HOGA1: variants seen among roughly 807,000 people sequenced by gnomAD.
HOGA1 encodes the protein 4-hydroxy-2-oxoglutarate aldolase 1.
In HOGA1, 30 loss-of-function variants were observed where a neutral mutation model predicts 34.3. That is an observed-to-expected ratio of 0.87 (90% CI 0.65 to 1.19). The LOEUF (loss-of-function observed/expected upper bound fraction) is 1.19. HOGA1 is among the 50% of genes most tolerant of loss of function. The probability of loss-of-function intolerance (pLI) is 0.00; values close to 1 mark genes in which losing one functional copy is unlikely to be tolerated. For synonymous variants in HOGA1, 161 were observed against 174.0 expected (o/e 0.93, Z 0.59); for missense variants, 417 against 436.5 (o/e 0.96, Z 0.40).
chr10:97,608,014 G>A (rs989303826), intron 6 of HOGA1, among the ~76,000 whole-genome samples: 12 of 152,124 alleles, frequency 7.9e-5, no homozygotes, highest in South Asian at 2.1e-4. Flanking sequence ...AAGAATAACC[G>A]CTAAAAAGAC....
chr10:97,590,269 G>A (rs1424630143), intron 1 of HOGA1: 1 of 1,613,756 alleles, frequency 6.2e-7, no homozygotes, highest in South Asian at 1.1e-5. Flanking sequence ...AGGCCACGTG[G>A]GCCGCTGTGG....
chr10:97,595,740 C>T (rs1357988874), intron 1 of HOGA1, among the ~76,000 whole-genome samples: 1 of 152,218 alleles, frequency 6.6e-6, no homozygotes, highest in African/African-American at 2.4e-5. Context: ...AATATCATCA[C>T]TATTTTTTAA....
intron 2 of HOGA1, 77 bp downstream of exon 2, chr10:97,598,980 G>A: frequency 6.2e-7 from 1 of 1,608,678 alleles, no homozygotes; most frequent in Non-Finnish European, 8.5e-7. Context: ...CTTGGGTCCT[G>A]TCTCCTTGTT....
Position 97,599,136 on chromosome 10 carries a change from G to T in HOGA1, c.388G>T (p.Ala130Ser), listed in dbSNP as rs558172389. 1 of 1,613,778 alleles carries T rather than the reference G, an allele frequency of 6.2e-7. No individual in the cohort carries two copies. The highest frequency in any genetic ancestry group is 2.2e-5 in the East Asian group (1 of 44,872). The change falls in exon 3 of 7, where the codon GCT becomes TCT. Residue 130 changes from alanine (A) to serine (S), a missense_variant. Transcript: ENST00000370646. The part of the protein sequence containing the change: ...EMTVSMAQVG[A>S]DAAMVVTPCY... ...GACCGTCAGCATGGCCCAGGTCGGG[G>T]CTGACGCGGCCATGGTGGTGACCCC...
rs1388108575 is a variant in HOGA1 at position 97,612,610 on chromosome 10, TG to T, written c.*953del. On this transcript the variant is annotated 3_prime_UTR_variant, in exon 7 of 7. Coordinates refer to ENST00000370646, the MANE Select transcript of HOGA1 (RefSeq NM_138413.4). ...CATTGAATGCACGGAGACAGCCCAGTGGCTTGTCAGATTGGTAAATAATGAC... is the reference window on the plus strand; with the variant it reads ...CATTGAATGCACGGAGACAGCCCAGTGCTTGTCAGATTGGTAAATAATGAC... 6.6e-6 allele frequency: 1 copy of T among 152,216 alleles called. No homozygotes were observed. The highest frequency in any genetic ancestry group is 1.5e-5 in the Non-Finnish European group (1 of 68,048). 9.4% of individuals were successfully genotyped at this position (152,216 alleles called of 1,614,324 possible).
At chr10:97,593,189 T>C (rs758442362) in intron 1 of HOGA1, among the ~76,000 whole-genome samples, 12 of 151,946 alleles carry the variant, frequency 7.9e-5, no homozygotes, top group East Asian at 3.9e-4. Flanking sequence ...TTAAAGTTCA[T>C]TGGGGGCCGA....
rs373477403 is a variant in HOGA1 at position 97,587,786 on chromosome 10, G to A, written c.211+2872G>A. Among the ~76,000 whole-genome samples the A allele has an allele frequency of 9.8e-4, 147 of 150,648 alleles. 2 individuals carry two copies. The highest frequency in any genetic ancestry group is 3.3e-3 in the African/African-American group (137 of 40,896). ...CTCCCAAAGTGCTGGGATTACAGGC[G>A]TGAGCCACCGCGCTGGGCCTCTTAT... On this transcript the variant is annotated intron_variant, in intron 1 of 6. Transcript: ENST00000370646.
intron 6 of HOGA1, among the ~76,000 whole-genome samples, chr10:97,609,838 T>C (rs1564762067): frequency 6.6e-6 from 1 of 152,122 alleles, no homozygotes; most frequent in South Asian, 2.1e-4. Flanking sequence ...TATTAGAACA[T>C]CATGGGGGTG....
chr10:97,590,286 G>A (rs1402406654), intron 1 of HOGA1: 2 of 1,613,682 alleles, frequency 1.2e-6, no homozygotes, highest in Non-Finnish European at 1.7e-6. Flanking sequence ...GTGGCTGCCT[G>A]CACCAAGGAG....
In HOGA1 at chr10:97,603,732, T is replaced by G. The variant is rs1474861338; in HGVS notation, c.834+1742T>G. On this transcript the variant is annotated intron_variant, in intron 6 of 6. Coordinates refer to ENST00000370646, the MANE Select transcript of HOGA1 (RefSeq NM_138413.4). The surrounding 1 kb of genome is among the most constrained non-coding windows in gnomAD (Gnocchi z 4.5). ...TGCCTGCCACCACACCCGGCTAATT[T>G]TTGTGCTTTTAGTGAAGACGGGTTT... is the stretch of plus-strand genomic sequence containing the variant. Among the ~76,000 whole-genome samples, 2 of 151,822 alleles carry G rather than the reference T, an allele frequency of 1.3e-5. No individual in the cohort carries two copies. Among genetic ancestry groups the G allele is most frequent in the African/African-American group, 4.8e-5 (2 of 41,294 alleles).
At chr10:97,589,638 C>A (rs544828323) in intron 1 of HOGA1, 2 of 455,980 alleles carry the variant, frequency 4.4e-6, no homozygotes, top group Non-Finnish European at 7.9e-6. Flanking sequence ...CCACCCCACC[C>A]GCAACTGCCT....
At chr10:97,586,062 G>A (rs770160603) in intron 1 of HOGA1, among the ~76,000 whole-genome samples, 17 of 151,738 alleles carry the variant, frequency 1.1e-4, no homozygotes, top group Admixed American at 5.9e-4. Flanking sequence ...GCTTGAACCC[G>A]GGAGGCAGAG....
intron 6 of HOGA1, among the ~76,000 whole-genome samples, chr10:97,607,512 T>C (rs1286462986): frequency 6.6e-6 from 1 of 152,226 alleles, no homozygotes; most frequent in Non-Finnish European, 1.5e-5. Context: ...TCTGTACCCA[T>C]TGGCACTGCG....
At chr10:97,594,135 CT>C (rs2041050162) in intron 1 of HOGA1, among the ~76,000 whole-genome samples, 1 of 146,812 alleles carries the variant, frequency 6.8e-6, no homozygotes, top group Non-Finnish European at 1.5e-5. Context: ...TCCCAAAGTG[CT>C]GGAATTACAG....
At chr10:97,609,821 G>T (rs973025092) in intron 6 of HOGA1, among the ~76,000 whole-genome samples, 1 of 152,090 alleles carries the variant, frequency 6.6e-6, no homozygotes, top group African/African-American at 2.4e-5. Context: ...GGGTAAAAAG[G>T]CCAGGCTATT....
At chr10:97,590,180 A>G (rs1441693489) in intron 1 of HOGA1, 1 of 1,613,950 alleles carries the variant, frequency 6.2e-7, no homozygotes. Context: ...GGAATCCTTC[A>G]CCAGCAGGCA....
In HOGA1 at chr10:97,599,696, C is replaced by T. The variant is rs372077963; in HGVS notation, c.485C>T (p.Pro162Leu). The change falls in exon 4 of 7, where the codon CCA (proline) becomes CTA (leucine). Residue 162 changes from proline to leucine, a missense_variant. Pro to Leu is a moderately conservative substitution (Grantham distance 98). Transcript: ENST00000370646. ...CCTCCCCAGGTTGCTGATCTCTCTCCAATCCCTGTGGTGCTGTACAGTGTC... is the reference window on the plus strand; with the variant it reads ...CCTCCCCAGGTTGCTGATCTCTCTCTAATCCCTGTGGTGCTGTACAGTGTC... The part of the protein sequence containing the change: ...HHYTKVADLS[P>L]IPVVLYSVPA... The T allele has an allele frequency of 1.9e-6, 3 of 1,614,014 alleles. No homozygotes were observed. Among genetic ancestry groups the T allele is most frequent in the Non-Finnish European group, 2.5e-6 (3 of 1,180,020 alleles).
In HOGA1 at chr10:97,612,360, T is replaced by C. The variant is rs2041204961; in HGVS notation, c.*701T>C. ...GGCTTCAAACCTGAGTCTAGCACAA[T>C]GCAGCTGGAGGCCAGGGCTACTCCT... On this transcript the variant is annotated 3_prime_UTR_variant, in exon 7 of 7. Transcript: ENST00000370646. The C allele has an allele frequency of 6.6e-6, 1 of 152,208 alleles. No individual in the cohort carries two copies. Among genetic ancestry groups the C allele is most frequent in the Non-Finnish European group, 1.5e-5 (1 of 68,118 alleles). The allele number at this position is 152,208 out of a possible 1,614,324, so 9.4% of individuals were successfully genotyped here.
intron 6 of HOGA1, among the ~76,000 whole-genome samples, chr10:97,610,032 C>T (rs960913398): frequency 6.6e-6 from 1 of 152,144 alleles, no homozygotes; most frequent in Admixed American, 6.5e-5. Context: ...CCAAATAAAA[C>T]TTTCTTAAGG....
Sources: gnomAD v4.1 joint callset for allele counts (sites outside exome capture counted in the v4.1 genomes callset) on GRCh38, gnomAD v4.1.1 for gene constraint, Gnocchi (gnomAD v3.1) non-coding constraint, MANE v1.5 for transcripts, NCBI Gene and HGNC (gene_info 2026-07-23, HGNC 2026-07-21) for gene names.